Variants in PLXDC2 observed in about 807,000 individuals in gnomAD.
PLXDC2 encodes the protein plexin domain containing 2.
In PLXDC2, 40 loss-of-function variants were observed where a neutral mutation model predicts 68.9. The ratio of observed to expected loss-of-function variants is 0.58; its 90% CI spans 0.45 to 0.76. The LOEUF (loss-of-function observed/expected upper bound fraction) is 0.76. Among genes scored for constraint, PLXDC2 ranks in the 30% least tolerant of loss-of-function variants. The pLI is 0.00. For missense variants in PLXDC2, 644 were observed against 661.9 expected, an observed-to-expected ratio of 0.97 and a Z score of 0.30; for synonymous variants, 243 against 234.2, an observed-to-expected ratio of 1.04 and a Z score of -0.34.
intron 1 of PLXDC2, among the ~76,000 whole-genome samples, chr10:19,868,714 C>T (rs1837468486): frequency 6.6e-6 from 1 of 152,062 alleles, no homozygotes; most frequent in Non-Finnish European, 1.5e-5. Context: ...TAATAAAATA[C>T]ATTTGTTTTC....
chr10:20,063,106 G>A (rs181319099), intron 3 of PLXDC2, among the ~76,000 whole-genome samples: 22 of 152,092 alleles, frequency 1.4e-4, no homozygotes, highest in Middle Eastern at 3.4e-3. Flanking sequence ...GTAATTATTT[G>A]AATGATTAAA....
chr10:20,164,504 C>A lies in PLXDC2; in HGVS notation c.820C>A (p.His274Asn), dbSNP rs1834347056. Residue 274 changes from histidine to asparagine, a missense_variant, in exon 7 of 14, where the codon CAT (histidine) becomes AAT (asparagine). His to Asn is a moderately conservative substitution (Grantham distance 68, BLOSUM62 1). Transcript: ENST00000377252. Reference sequence around the variant, plus strand: ...GGTCACACAGATAAGTTCAACCAATCATCCAGTGAAAGTCGGACTGTCCGA... The same window carrying A: ...GGTCACACAGATAAGTTCAACCAATAATCCAGTGAAAGTCGGACTGTCCGA... ...VLVTQISSTN[H>N]PVKVGLSDAF... The A allele has an allele frequency of 1.9e-6, 3 of 1,613,530 alleles. No homozygotes were observed. The highest frequency in any genetic ancestry group is 1.1e-5 in the South Asian group (1 of 91,080).
chr10:19,846,397 GA>G (rs978671866), intron 1 of PLXDC2, among the ~76,000 whole-genome samples: 4 of 152,092 alleles, frequency 2.6e-5, no homozygotes, highest in Admixed American at 2.6e-4. Flanking sequence ...CTCGAGGAGG[GA>G]AAAAGAAAGT....
chr10:20,282,818 A>T lies in PLXDC2; in HGVS notation c.*2999A>T, dbSNP rs1254574727. ...CTAACACCTAGAAAACTAAAAGTGC[A>T]ATTGACCCCCAATTACTATTTTAGT... On this transcript the variant is annotated 3_prime_UTR_variant, in exon 14 of 14. Coordinates refer to ENST00000377252, the MANE Select transcript of PLXDC2 (RefSeq NM_032812.9). The T allele has an allele frequency of 1.3e-5, 2 of 152,324 alleles. No homozygotes were observed. Among genetic ancestry groups the T allele is most frequent in the Admixed American group, 6.5e-5 (1 of 15,292 alleles). 9.4% of individuals were successfully genotyped at this position (152,324 alleles called of 1,614,324 possible).
chr10:20,217,622 T>C (rs1414817538), intron 11 of PLXDC2, 46 bp downstream of exon 11: 1 of 1,415,644 alleles, frequency 7.1e-7, no homozygotes, highest in Non-Finnish European at 9.4e-7. Context: ...TTTTTTTTTT[T>C]TTCCCTGAAG....
chr10:20,139,276 G>A (rs182439225), intron 4 of PLXDC2, among the ~76,000 whole-genome samples: 4 of 152,280 alleles, frequency 2.6e-5, no homozygotes, highest in Non-Finnish European at 5.9e-5. Context: ...CCGTGTATTC[G>A]CTATTATTTG....
At chr10:20,160,092 C>G (rs1158062817) in intron 6 of PLXDC2, among the ~76,000 whole-genome samples, 1 of 152,036 alleles carries the variant, frequency 6.6e-6, no homozygotes, top group Non-Finnish European at 1.5e-5. Flanking sequence ...AATTCCAGTG[C>G]CTACAATAAT....
At chr10:20,262,482 C>T (rs1284448724) in intron 13 of PLXDC2, among the ~76,000 whole-genome samples, 1 of 152,164 alleles carries the variant, frequency 6.6e-6, no homozygotes, top group African/African-American at 2.4e-5. Flanking sequence ...CCTGTATATA[C>T]CTCCCTCCAG....
At chr10:20,118,072 A>G (rs940653179) in intron 4 of PLXDC2, among the ~76,000 whole-genome samples, 3 of 151,658 alleles carry the variant, frequency 2.0e-5, no homozygotes, top group African/African-American at 4.8e-5. Flanking sequence ...ATGTGTCTAT[A>G]TATGTCTGTA....
At chr10:19,835,764 A>G (rs1175845325) in intron 1 of PLXDC2, among the ~76,000 whole-genome samples, 6 of 152,132 alleles carry the variant, frequency 3.9e-5, no homozygotes, top group South Asian at 2.1e-4. Context: ...AGGGAATTCA[A>G]TAAGAGTGGT....
chr10:19,904,396 G>C (rs572257814), intron 1 of PLXDC2, among the ~76,000 whole-genome samples: 1 of 151,908 alleles, frequency 6.6e-6, no homozygotes, highest in Non-Finnish European at 1.5e-5. Flanking sequence ...AGGGAAGTGA[G>C]GGAACCCCAG....
intron 1 of PLXDC2, among the ~76,000 whole-genome samples, chr10:19,900,169 A>T (rs1838133548): frequency 6.6e-6 from 1 of 152,186 alleles, no homozygotes; most frequent in African/African-American, 2.4e-5. Context: ...ATCAATCCAC[A>T]AAGGATTTTG....
chr10:19,906,737 A>G (rs965265015), intron 1 of PLXDC2, among the ~76,000 whole-genome samples: 1 of 152,100 alleles, frequency 6.6e-6, no homozygotes, highest in African/African-American at 2.4e-5. Context: ...GATAATAAAG[A>G]CATACTTAAT....
At chr10:19,829,170 T>TTTTTTTTTTTTG (rs1836634822) in intron 1 of PLXDC2, among the ~76,000 whole-genome samples, 2 of 149,642 alleles carry the variant, frequency 1.3e-5, no homozygotes, top group African/African-American at 5.0e-5. Flanking sequence ...TTTTTTTTTT[T>TTTTTTTTTTTTG]TTTTTTTTTG....
At chr10:19,995,386 A>G (rs1834826790) in intron 1 of PLXDC2, among the ~76,000 whole-genome samples, 1 of 152,240 alleles carries the variant, frequency 6.6e-6, no homozygotes, top group African/African-American at 2.4e-5. Context: ...ATGAATTGTT[A>G]TAACACGTTC....
chr10:19,911,093 G>A (rs1010095144), intron 1 of PLXDC2, among the ~76,000 whole-genome samples: 2 of 152,010 alleles, frequency 1.3e-5, no homozygotes, highest in African/African-American at 4.8e-5. Context: ...CTTCTCGGGG[G>A]TGTGACTTGC....
chr10:20,092,243 T>A (rs1470194459), intron 4 of PLXDC2, among the ~76,000 whole-genome samples: 1 of 152,188 alleles, frequency 6.6e-6, no homozygotes, highest in Non-Finnish European at 1.5e-5. Context: ...AAACTGATCA[T>A]ATGATTTTTA....
At chr10:20,273,539 C>T (rs1362139380) in intron 13 of PLXDC2, among the ~76,000 whole-genome samples, 1 of 119,916 alleles carries the variant, frequency 8.3e-6, no homozygotes, top group African/African-American at 2.6e-5. Flanking sequence ...GATAGATATA[C>T]ATACATAGAC....
At chr10:20,252,805 C>T (rs999225001) in intron 13 of PLXDC2, among the ~76,000 whole-genome samples, 1 of 152,070 alleles carries the variant, frequency 6.6e-6, no homozygotes. Context: ...GTGGATTTCA[C>T]GTTGAATGAT....
Sources: gnomAD v4.1 joint callset for allele counts (sites outside exome capture counted in the v4.1 genomes callset) on GRCh38, gnomAD v4.1.1 for gene constraint, MANE v1.5 for transcripts, NCBI Gene and HGNC (gene_info 2026-07-23, HGNC 2026-07-21) for gene names.